Variants in MED13 observed in about 807,000 individuals in gnomAD.
The protein encoded by MED13 is mediator of RNA polymerase II transcription subunit 13.
In MED13, 23 loss-of-function variants were observed where a neutral mutation model predicts 225.2. The ratio of observed to expected loss-of-function variants is 0.10; its 90% CI spans 0.07 to 0.14. The LOEUF (loss-of-function observed/expected upper bound fraction) is 0.14. MED13 is among the 10% of genes least tolerant of loss of function. The pLI, the probability that MED13 is intolerant of heterozygous loss-of-function variation, is 1.00. For missense variants in MED13, 2,197 were observed against 2,594.5 expected (o/e 0.85, Z 3.33); for synonymous variants, 942 against 889.2 (o/e 1.06, Z -1.06).
At chr17:62,061,526 T>C (rs1049407601) in intron 2 of MED13, among the ~76,000 whole-genome samples, 2 of 152,228 alleles carry the variant, frequency 1.3e-5, no homozygotes, top group Non-Finnish European at 2.9e-5. Flanking sequence ...ATTATAGTTT[T>C]ATCAATAATT....
chr17:61,967,939 CTG>C (rs2080073488), intron 18 of MED13, 94 bp downstream of exon 18: 1 of 891,412 alleles, frequency 1.1e-6, no homozygotes, highest in Middle Eastern at 3.5e-4. Context: ...GACATCATCA[CTG>C]TGTCCCAATC....
intron 11 of MED13, among the ~76,000 whole-genome samples, chr17:61,990,627 GTATA>G (rs5821345): frequency 0.017 from 2,376 of 138,862 alleles, 37 homozygotes; most frequent in African/African-American, 0.027. Flanking sequence ...GGCGCACTGT[GTATA>G]TATATATATA....
chr17:62,024,049 G>A (rs1299551738), intron 8 of MED13, among the ~76,000 whole-genome samples: 3 of 149,636 alleles, frequency 2.0e-5, no homozygotes, highest in African/African-American at 4.9e-5. Flanking sequence ...ACGGAGTCTC[G>A]CTCTGCCACC....
intron 29 of MED13, 125 bp from the exon 30 acceptor site, chr17:61,946,725 A>G: frequency 8.2e-7 from 1 of 1,222,746 alleles, no homozygotes. Flanking sequence ...AGAGTCCTTG[A>G]GGGGAAAGAA....
At chr17:62,014,081 G>T (rs1479999878) in intron 8 of MED13, among the ~76,000 whole-genome samples, 3 of 151,704 alleles carry the variant, frequency 2.0e-5, no homozygotes, top group Non-Finnish European at 4.4e-5. Flanking sequence ...AGTATACAAT[G>T]AAAGGGTCAG....
chr17:62,049,930 CAA>C (rs544006035), intron 3 of MED13, among the ~76,000 whole-genome samples: 9 of 96,162 alleles, frequency 9.4e-5, no homozygotes, highest in Non-Finnish European at 8.1e-5. Context: ...GCTCTGTCTC[CAA>C]AAAAAAAAAA....
chr17:61,975,307 A>C (rs11868507), intron 16 of MED13, among the ~76,000 whole-genome samples: 1 of 152,200 alleles, frequency 6.6e-6, no homozygotes, highest in African/African-American at 2.4e-5. Context: ...CTGAAAAGTC[A>C]TTTCTCCAAA....
intron 12 of MED13, 82 bp from the exon 13 acceptor site, chr17:61,985,172 C>T (rs953144488): frequency 2.7e-6 from 3 of 1,107,690 alleles, no homozygotes; most frequent in Non-Finnish European, 4.0e-6. Flanking sequence ...TATAACTTAA[C>T]AGTAAAGCCC....
intron 3 of MED13, 114 bp from the exon 4 acceptor site, chr17:62,035,722 C>G: frequency 2.0e-6 from 2 of 992,634 alleles, no homozygotes; most frequent in East Asian, 2.7e-5. Flanking sequence ...CCCAAAAATT[C>G]TACTTCATCA....
At chr17:62,015,531 T>C (rs991577700) in intron 8 of MED13, among the ~76,000 whole-genome samples, 1 of 151,974 alleles carries the variant, frequency 6.6e-6, no homozygotes, top group Non-Finnish European at 1.5e-5. Flanking sequence ...GGGGAACCTG[T>C]TAATTTTTAA....
intron 17 of MED13, among the ~76,000 whole-genome samples, chr17:61,969,315 G>C (rs994431111): frequency 6.6e-6 from 1 of 151,976 alleles, no homozygotes; most frequent in African/African-American, 2.4e-5. Context: ...TTGCACCAGT[G>C]CACGTCAGCC....
At chr17:61,984,091 C>A (rs1354451431) in intron 15 of MED13, 80 bp downstream of exon 15, 6 of 1,085,388 alleles carry the variant, frequency 5.5e-6, no homozygotes, top group Middle Eastern at 2.2e-4. Context: ...TTTATTTTTC[C>A]AGCATACCAG....
At chr17:61,988,699 T>C (rs1046854182) in intron 11 of MED13, among the ~76,000 whole-genome samples, 2 of 151,904 alleles carry the variant, frequency 1.3e-5, no homozygotes, top group African/African-American at 2.4e-5. Flanking sequence ...CATAGGTAAG[T>C]AGCCCAAACA....
chr17:62,035,967 A>G (rs1245975397), intron 3 of MED13, among the ~76,000 whole-genome samples: 1 of 151,648 alleles, frequency 6.6e-6, no homozygotes. Flanking sequence ...TTTCTTTTTT[A>G]AAGAAAGAGA....
At chr17:62,061,506 C>G (rs529177365) in intron 2 of MED13, among the ~76,000 whole-genome samples, 1 of 152,184 alleles carries the variant, frequency 6.6e-6, no homozygotes, top group South Asian at 2.1e-4. Flanking sequence ...ACCAAAGCCC[C>G]TAAGTCACCA....
intron 3 of MED13, among the ~76,000 whole-genome samples, chr17:62,048,060 A>G (rs1025401087): frequency 1.4e-5 from 2 of 143,574 alleles, no homozygotes; most frequent in Non-Finnish European, 3.0e-5. Flanking sequence ...ATATATATAT[A>G]TATGTATATA....
At chr17:61,973,662 G>C (rs987261137) in intron 16 of MED13, among the ~76,000 whole-genome samples, 2 of 152,056 alleles carry the variant, frequency 1.3e-5, no homozygotes, top group African/African-American at 4.8e-5. Context: ...CTAGTTTATC[G>C]TTATTGGCCC....
intron 1 of MED13, 31 bp from the exon 2 acceptor site, chr17:62,063,332 C>G (rs1180829721): frequency 6.9e-7 from 1 of 1,440,420 alleles, no homozygotes; most frequent in Non-Finnish European, 9.7e-7. Context: ...AGTTTTATTA[C>G]TGCATATTCA....
intron 27 of MED13, among the ~76,000 whole-genome samples, chr17:61,951,253 G>A (rs1213443406): frequency 3.3e-5 from 5 of 152,120 alleles, no homozygotes; most frequent in South Asian, 2.1e-4. Flanking sequence ...CCAAGTTCAC[G>A]GGAAAGTTTG....
Sources: allele counts gnomAD v4.1 joint callset (sites outside exome capture counted in the v4.1 genomes callset), GRCh38; gene constraint gnomAD v4.1.1; transcripts MANE v1.5; gene names NCBI Gene and HGNC (gene_info 2026-07-23, HGNC 2026-07-21).